Variants in GLIS3 observed in about 807,000 individuals in gnomAD.
GLIS3 encodes zinc finger protein GLIS3.
GLIS3 carries 53 observed loss-of-function variants against 78.6 expected under a neutral mutation model. The ratio of observed to expected loss-of-function variants is 0.67; its 90% CI spans 0.54 to 0.85. The LOEUF (loss-of-function observed/expected upper bound fraction) is 0.85. Among genes scored for constraint, GLIS3 ranks in the 40% least tolerant of loss-of-function variants. The probability of loss-of-function intolerance (pLI) is 0.00; values close to 1 mark genes in which losing one functional copy is unlikely to be tolerated. For missense variants in GLIS3, 1,703 were observed against 1,231.1 expected (o/e 1.38, Z -5.74); for synonymous variants, 684 against 509.9 (o/e 1.34, Z -4.60).
At chr9:4,055,523 C>A (rs1588555888) in intron 4 of GLIS3, among the ~76,000 whole-genome samples, 2 of 152,118 alleles carry the variant, frequency 1.3e-5, no homozygotes, top group Admixed American at 1.3e-4. Flanking sequence ...TAAAATATGT[C>A]ATTACACTGT....
At chr9:4,051,147 C>G (rs1825721457) in intron 4 of GLIS3, among the ~76,000 whole-genome samples, 1 of 152,192 alleles carries the variant, frequency 6.6e-6, no homozygotes, top group African/African-American at 2.4e-5. Flanking sequence ...AAAATGGAAG[C>G]AGACAATGAG....
rs543026215 is a variant in GLIS3, at chr9:4,214,248, T to G, written c.388+71790A>C. On this transcript the variant is annotated intron_variant, in intron 2 of 10. Transcript: ENST00000381971. ...CATAAAAGCTTTCAAGTGCGCATTT[T>G]TGTGGAATGGAGGCAGTGGCAAAAT... Among the ~76,000 whole-genome samples, 16 of 152,358 alleles carry G rather than the reference T, an allele frequency of 1.1e-4. 1 individual carries two copies. The South Asian group carries it at 3.3e-3, about 32-fold the overall frequency.
chr9:4,240,567 G>C (rs1302999138), intron 2 of GLIS3, among the ~76,000 whole-genome samples: 1 of 152,128 alleles, frequency 6.6e-6, no homozygotes, highest in African/African-American at 2.4e-5. Context: ...AAGATTACAA[G>C]GGGGTACTAA....
the GLIS3 span, among the ~76,000 whole-genome samples, chr9:4,417,329 T>C: frequency 1.3e-5 from 2 of 152,234 alleles, no homozygotes; most frequent in Non-Finnish European, 2.9e-5. Flanking sequence ...AACTGAATTT[T>C]GTTCGTATCA....
intron 6 of GLIS3, among the ~76,000 whole-genome samples, chr9:3,929,516 G>A (rs976838494): frequency 6.6e-6 from 1 of 152,192 alleles, no homozygotes; most frequent in East Asian, 1.9e-4. Context: ...ATGGCTATGG[G>A]TGCCTTGTCA....
At chr9:4,401,100 A>G in the GLIS3 span, among the ~76,000 whole-genome samples, 1 of 152,202 alleles carries the variant, frequency 6.6e-6, no homozygotes, top group African/African-American at 2.4e-5. Flanking sequence ...ACGAGCAACA[A>G]GCAGGCACTT....
the GLIS3 span, among the ~76,000 whole-genome samples, chr9:4,358,704 G>C: frequency 6.6e-6 from 1 of 152,168 alleles, no homozygotes; most frequent in African/African-American, 2.4e-5. Context: ...CCAGAGGAAT[G>C]GGCACACGTG....
the GLIS3 span, among the ~76,000 whole-genome samples, chr9:4,437,736 C>T: frequency 1.3e-5 from 2 of 152,114 alleles, no homozygotes; most frequent in Non-Finnish European, 2.9e-5. Flanking sequence ...ATAGCAAGAC[C>T]AAACCCACCT....
At chr9:4,151,001 C>T (rs766849489) in intron 2 of GLIS3, 1 of 152,154 alleles carries the variant, frequency 6.6e-6, no homozygotes, top group Non-Finnish European at 1.5e-5. Context: ...AGATGATCGA[C>T]TCCTACACAA....
chr9:4,052,975 T>A (rs562601617), intron 4 of GLIS3, among the ~76,000 whole-genome samples: 1 of 152,280 alleles, frequency 6.6e-6, no homozygotes, highest in South Asian at 2.1e-4. Context: ...TTTGAAAGAG[T>A]CTCGCTGTGT....
At chr9:4,324,445 T>C (rs147645646) in intron 2 of GLIS3, among the ~76,000 whole-genome samples, 9 of 152,318 alleles carry the variant, frequency 5.9e-5, no homozygotes, top group Non-Finnish European at 1.2e-4. Flanking sequence ...CACGGGATTG[T>C]TTTGAGAACC....
chr9:4,243,817 G>T (rs550681620), intron 2 of GLIS3, among the ~76,000 whole-genome samples: 1 of 152,306 alleles, frequency 6.6e-6, no homozygotes, highest in South Asian at 2.1e-4. Context: ...CTACCACAAT[G>T]ATTTACATTA....
chr9:3,877,690 T>C (rs1165396530), intron 8 of GLIS3, among the ~76,000 whole-genome samples: 2 of 152,218 alleles, frequency 1.3e-5, no homozygotes, highest in African/African-American at 2.4e-5. Context: ...CACATATATA[T>C]TAATGATTAG....
the GLIS3 span, among the ~76,000 whole-genome samples, chr9:4,378,650 T>C: frequency 2.6e-5 from 4 of 152,180 alleles, no homozygotes; most frequent in Non-Finnish European, 5.9e-5. Context: ...GTTGGTGCAA[T>C]GGGAAATCAC....
intron 6 of GLIS3, among the ~76,000 whole-genome samples, chr9:3,908,708 T>TTTTTTTTTTTTTTTTTTTTTTTG: frequency 9.5e-6 from 1 of 105,104 alleles, no homozygotes; most frequent in Non-Finnish European, 2.1e-5. Flanking sequence ...TTGTATTTGT[T>TTTTTTTTTTTTTTTTTTTTTTTG]TTTTTTTTTT....
chr9:4,137,885 C>T (rs745687563), intron 2 of GLIS3, among the ~76,000 whole-genome samples: 17 of 152,206 alleles, frequency 1.1e-4, no homozygotes, highest in Non-Finnish European at 1.9e-4. Flanking sequence ...CATTTTACTG[C>T]TTCTCCCTCG....
intron 2 of GLIS3, among the ~76,000 whole-genome samples, chr9:4,335,930 A>T (rs1382786091): frequency 6.6e-6 from 1 of 152,172 alleles, no homozygotes; most frequent in East Asian, 1.9e-4. Context: ...CTAAGGTAAA[A>T]ATTTGCGGAC....
Position 4,081,759 on chromosome 9 carries a change from C to A in GLIS3, c.1710+36009G>T, listed in dbSNP as rs182061521. ...TCTCTGTTTTCTCAACAGTGAGCTG[C>A]ACTGCAGTACAATTCTATCATAAAT... is the stretch of plus-strand genomic sequence containing the variant. On this transcript the variant is annotated intron_variant, in intron 4 of 10. Coordinates refer to ENST00000381971, the MANE Select transcript of GLIS3 (RefSeq NM_001042413.2). Among the ~76,000 whole-genome samples the A allele has an allele frequency of 4.1e-4, 63 of 152,284 alleles. 2 individuals are homozygous for A. Among genetic ancestry groups the A allele is most frequent in the Admixed American group, 5.2e-4 (8 of 15,294 alleles).
At chr9:4,420,219 G>A in the GLIS3 span, among the ~76,000 whole-genome samples, 176 of 152,312 alleles carry the variant, frequency 1.2e-3, no homozygotes, top group African/African-American at 4.1e-3. Flanking sequence ...GCCACATGGA[G>A]AGGAAGATGC....
Sources: allele counts gnomAD v4.1 joint callset (sites outside exome capture counted in the v4.1 genomes callset), GRCh38; gene constraint gnomAD v4.1.1; transcripts MANE v1.5; gene names NCBI Gene and HGNC (gene_info 2026-07-23, HGNC 2026-07-21).